The following NHSL2 variants were observed in gnomAD, a reference collection of about 807,000 sequenced individuals.
The protein encoded by NHSL2 is NHS-like protein 2.
In NHSL2, 27 loss-of-function variants were observed where a neutral mutation model predicts 53.4. The ratio of observed to expected loss-of-function variants is 0.51; its 90% CI spans 0.37 to 0.70. The LOEUF (loss-of-function observed/expected upper bound fraction) is 0.70, where lower values mean the gene tolerates loss of function less well. Among genes scored for constraint, NHSL2 ranks in the 30% least tolerant of loss-of-function variants. The pLI, the probability that NHSL2 is intolerant of heterozygous loss-of-function variation, is 0.00. For missense variants in NHSL2, 892 were observed against 980.1 expected (o/e 0.91, Z 1.20); for synonymous variants, 408 against 404.1 (o/e 1.01, Z -0.12).
intron 1 of NHSL2, among the ~76,000 whole-genome samples, chrX:71,958,058 G>A (rs2041850928): frequency 9.2e-6 from 1 of 109,211 alleles, no homozygotes; most frequent in Non-Finnish European, 1.9e-5. Context: ...ATAGGGACGG[G>A]GTTTCTACAG....
At chrX:72,030,554 G>A (rs1844053893) in intron 1 of NHSL2, among the ~76,000 whole-genome samples, 1 of 111,469 alleles carries the variant, frequency 9.0e-6, no homozygotes, top group South Asian at 3.7e-4. Flanking sequence ...TCAAAATATA[G>A]AACATTCGCA....
intron 1 of NHSL2, among the ~76,000 whole-genome samples, chrX:72,010,201 A>G (rs980991530): frequency 4.5e-5 from 5 of 112,229 alleles, no homozygotes; most frequent in African/African-American, 1.6e-4. Context: ...TCCATACCTC[A>G]AAGGTAGCCT....
At chrX:71,942,970 C>CTGTGTGTGTGTG (rs1348513435) in intron 1 of NHSL2, among the ~76,000 whole-genome samples, 2 of 17,079 alleles carry the variant, frequency 1.2e-4, no homozygotes, top group African/African-American at 1.5e-4. Flanking sequence ...CTCTCTCTCT[C>CTGTGTGTGTGTG]TCTGTGTGTG....
At chrX:71,999,053 C>G (rs961794123) in intron 1 of NHSL2, among the ~76,000 whole-genome samples, 1 of 112,487 alleles carries the variant, frequency 8.9e-6, no homozygotes, top group Non-Finnish European at 1.9e-5. Flanking sequence ...CACACATCAT[C>G]TTACATGAGA....
intron 1 of NHSL2, among the ~76,000 whole-genome samples, chrX:71,918,823 C>T (rs1415167913): frequency 8.9e-6 from 1 of 112,197 alleles, no homozygotes; most frequent in African/African-American, 3.2e-5. Context: ...AAATAACTTA[C>T]ACATTCAATA....
At position 71,978,756 on chromosome X, in the gene NHSL2, GTT is replaced by G. The variant is rs56017757; in HGVS notation, c.280+67405_280+67406del. ...CATTTTACTACAGAAACTTGTCAAG[GTT>G]TTTTTTTTTTTTTTTAATTATACTG... On this transcript the variant is annotated intron_variant, in intron 1 of 7. Transcript: ENST00000633930. 2.2e-3 allele frequency among the ~76,000 whole-genome samples: 187 copies of G among 83,579 alleles called. 1 individual carries two copies. The highest frequency in any genetic ancestry group is 3.7e-3 in the East Asian group (10 of 2,723). The allele number at this position is 83,579 out of a possible 115,157, so 72.6% of individuals were successfully genotyped here.
At chrX:71,938,679 G>GTGATAA (rs1311654531) in intron 1 of NHSL2, among the ~76,000 whole-genome samples, 1 of 112,983 alleles carries the variant, frequency 8.9e-6, no homozygotes, top group African/African-American at 3.2e-5. Flanking sequence ...TAAAAGTCAA[G>GTGATAA]TGATAATTGA....
Position 72,099,226 on chromosome X carries a change from A to C in NHSL2, c.281-32853A>C, listed in dbSNP as rs752184118. On this transcript the variant is annotated intron_variant, in intron 1 of 7. Coordinates refer to ENST00000633930, the MANE Select transcript of NHSL2 (RefSeq NM_001013627.3). ...TTTTGAATTTTGTCTTAGTAGCTAC[A>C]TTCCCCTCCCCAGCTGATTTGAAAT... Among the ~76,000 whole-genome samples, 181 of 111,958 alleles carry C rather than the reference A, an allele frequency of 1.6e-3. 1 individual carries two copies. Among genetic ancestry groups the C allele is most frequent in the African/African-American group, 5.5e-3 (168 of 30,814 alleles).
At chrX:71,949,690 C>T (rs1378299292) in intron 1 of NHSL2, among the ~76,000 whole-genome samples, 3 of 112,702 alleles carry the variant, frequency 2.7e-5, no homozygotes, top group African/African-American at 6.4e-5. Flanking sequence ...CCCCGTCTGA[C>T]TTTGCCTATC....
At chrX:72,100,140 A>G (rs1190623787) in intron 1 of NHSL2, among the ~76,000 whole-genome samples, 1 of 112,202 alleles carries the variant, frequency 8.9e-6, no homozygotes, top group South Asian at 3.7e-4. Context: ...AGTGCAGACC[A>G]GAACAGCCGA....
At chrX:71,971,707 C>T (rs1049320111) in intron 1 of NHSL2, among the ~76,000 whole-genome samples, 11 of 111,854 alleles carry the variant, frequency 9.8e-5, no homozygotes, top group Non-Finnish European at 1.7e-4. Flanking sequence ...ATTCTTATAT[C>T]ATTACCTACA....
chrX:71,955,042 C>T (rs904561041), intron 1 of NHSL2, among the ~76,000 whole-genome samples: 4 of 112,165 alleles, frequency 3.6e-5, no homozygotes, highest in Non-Finnish European at 7.5e-5. Context: ...ACAATCCTCA[C>T]TTTCCTGGTG....
Position 72,139,929 on chromosome X carries a change from C to A in NHSL2, c.2381C>A (p.Thr794Asn). 3 of 1,210,725 alleles carry A rather than the reference C, an allele frequency of 2.5e-6. No individual in the cohort carries two copies. Among genetic ancestry groups the A allele is most frequent in the Non-Finnish European group, 3.4e-6 (3 of 894,874 alleles). ...SGMSISIRSK[T>N]KVSRHHSETN... ...ATGAGTATCTCCATCCGAAGCAAAA[C>A]TAAGGTGAGTCGGCACCACTCAGAG... is the stretch of plus-strand genomic sequence containing the variant. The change falls in exon 6 of 8, where the codon ACT becomes AAT. Residue 794 changes from threonine (T) to asparagine (N), a missense_variant. Transcript: ENST00000633930.
chrX:72,133,656 T>A lies in NHSL2; in HGVS notation c.437-435T>A, dbSNP rs188084481. On this transcript the variant is annotated intron_variant, in intron 2 of 7. Coordinates refer to ENST00000633930, the MANE Select transcript of NHSL2 (RefSeq NM_001013627.3). ...AAGTTCTTGACATCCAAGAAAGAACTCCAGATTGGACTTCCTGGTGTAAAT... is the reference window on the plus strand; with the variant it reads ...AAGTTCTTGACATCCAAGAAAGAACACCAGATTGGACTTCCTGGTGTAAAT... 502 of 114,793 alleles carry A rather than the reference T, an allele frequency of 4.4e-3. 2 individuals carry two copies. The highest frequency in any genetic ancestry group is 0.015 in the African/African-American group (457 of 30,855). 9.5% of individuals were successfully genotyped at this position (114,793 alleles called of 1,213,427 possible).
At chrX:72,043,950 C>T (rs1310551373) in intron 1 of NHSL2, among the ~76,000 whole-genome samples, 1 of 111,871 alleles carries the variant, frequency 8.9e-6, no homozygotes, top group Non-Finnish European at 1.9e-5. Context: ...TTATTGGACT[C>T]CCCTTTATGT....
intron 1 of NHSL2, among the ~76,000 whole-genome samples, chrX:72,073,515 C>T (rs2041717592): frequency 1.8e-5 from 2 of 112,099 alleles, no homozygotes; most frequent in Non-Finnish European, 3.8e-5. Flanking sequence ...ATATATGGAC[C>T]AGCTGTTTGA....
chrX:71,972,866 TTG>T (rs372160139), intron 1 of NHSL2, among the ~76,000 whole-genome samples: 116 of 93,736 alleles, frequency 1.2e-3, no homozygotes, highest in South Asian at 4.5e-3. Context: ...ATCTTTATTG[TTG>T]TGTGTGTGTG....
intron 1 of NHSL2, among the ~76,000 whole-genome samples, chrX:71,936,218 T>G (rs2041737571): frequency 8.9e-6 from 1 of 111,789 alleles, no homozygotes; most frequent in Non-Finnish European, 1.9e-5. Context: ...CTAGGCATGG[T>G]GAGAGGCAGG....
At chrX:72,108,977 C>T (rs2042068782) in intron 1 of NHSL2, among the ~76,000 whole-genome samples, 1 of 111,676 alleles carries the variant, frequency 9.0e-6, no homozygotes, top group Non-Finnish European at 1.9e-5. Context: ...CCTCATACAT[C>T]GCACATACAC....
Sources: gnomAD v4.1 joint callset for allele counts (sites outside exome capture counted in the v4.1 genomes callset) on GRCh38, gnomAD v4.1.1 for gene constraint, MANE v1.5 for transcripts, NCBI Gene and HGNC (gene_info 2026-07-23, HGNC 2026-07-21) for gene names.